ABTB1: variants seen among roughly 807,000 people sequenced by gnomAD.
ABTB1 encodes ankyrin repeat and BTB domain containing 1.
Under a neutral mutation model 57.1 loss-of-function variants are expected in ABTB1, and 45 were observed. The observed-to-expected ratio is 0.79, with a 90% CI of 0.62 to 1.01. ABTB1 has a LOEUF of 1.01. Ranked by LOEUF, ABTB1 falls within the 50% of genes least tolerant of loss-of-function variation. ABTB1 has a pLI of 0.00. For synonymous variants in ABTB1, 302 were observed against 275.4 expected (o/e 1.10, Z -0.95); for missense variants, 630 against 666.3 (o/e 0.95, Z 0.60).
rs771268105 is a variant in ABTB1, at chr3:127,676,387, A to G, written c.436A>G (p.Thr146Ala). Residue 146 changes from threonine to alanine, a missense_variant, in exon 5 of 12, where the codon ACC (threonine) becomes GCC (alanine). Around this residue, in one of 3 missense-constraint regions of ABTB1, gnomAD observed 579 missense variants for 585.9 expected, o/e 0.99. Coordinates refer to ENST00000232744, the MANE Select transcript of ABTB1 (RefSeq NM_172027.3). This position sits in a 1 kb window ranked among gnomAD's most constrained non-coding sequence, Gnocchi z 5.4. ...RSAYFANMLD[T>A]KWKGKSVVVL... ...TGCCTACTTTGCCAACATGCTGGAC[A>G]CCAAATGGAAGGGCAAGAGTGTCGT... is the stretch of plus-strand genomic sequence containing the variant. 39 of 1,613,990 alleles carry G rather than the reference A, an allele frequency of 2.4e-5. No individual in the cohort carries two copies. Among genetic ancestry groups the G allele is most frequent in the Non-Finnish European group, 3.1e-5 (36 of 1,179,994 alleles).
chr3:127,676,101 G>A lies in ABTB1; in HGVS notation c.307G>A (p.Asp103Asn), dbSNP rs139518030. 16 of 1,613,120 alleles carry A rather than the reference G, an allele frequency of 9.9e-6. No homozygotes were observed. The highest frequency in any genetic ancestry group is 6.7e-5 in the African/African-American group (5 of 74,910). Residue 103 changes from aspartate to asparagine, a missense_variant, in exon 4 of 12, where the codon GAC (aspartate) becomes AAC (asparagine). This residue lies in a region of ABTB1 where 579 missense variants were observed against 585.9 expected (regional missense o/e 0.99). Coordinates refer to ENST00000232744, the MANE Select transcript of ABTB1 (RefSeq NM_172027.3). This position sits in a 1 kb window ranked among gnomAD's most constrained non-coding sequence, Gnocchi z 5.4. ...CTGCAGGAGGCGGGATTACTATGAC[G>A]ACTTCTTGCAGCGGTGAGCCAGGGC... Reference protein sequence around the residue: ...ASCRRRDYYDDFLQRLLEQGI... With the variant: ...ASCRRRDYYDNFLQRLLEQGI...
chr3:127,677,084 G>C lies in ABTB1; in HGVS notation c.643+1G>C, dbSNP rs758639493. 1 of 1,614,074 alleles carries C rather than the reference G, an allele frequency of 6.2e-7. No individual in the cohort carries two copies. Among genetic ancestry groups the C allele is most frequent in the Non-Finnish European group, 8.5e-7 (1 of 1,179,966 alleles). On this transcript the variant is annotated splice_donor_variant, in intron 7 of 11. Coordinates refer to ENST00000232744, the MANE Select transcript of ABTB1 (RefSeq NM_172027.3). LOFTEE classifies it high-confidence loss of function. ...AAGTGCGAGAAGGTGTCTGAGTTTGGTGCGAGCAGGGTTTGGGGCCCGGGG... is the reference window on the plus strand; with the variant it reads ...AAGTGCGAGAAGGTGTCTGAGTTTGCTGCGAGCAGGGTTTGGGGCCCGGGG...
At chr3:127,675,750 G>A (rs1421851587) in intron 3 of ABTB1, 8 of 604,954 alleles carry the variant, frequency 1.3e-5, no homozygotes, top group East Asian at 1.1e-4. Context: ...TCTGTCTTCC[G>A]TGTGAGTGAG....
At position 127,680,069 on chromosome 3, in the gene ABTB1, C is replaced by G. The variant is rs1305945084; in HGVS notation, c.1114C>G (p.Leu372Val). 6.2e-7 allele frequency: 1 copy of G among 1,613,858 alleles called. No individual in the cohort carries two copies. The highest frequency in any genetic ancestry group is 1.1e-5 in the South Asian group (1 of 91,092). The change falls in exon 11 of 12, where the codon CTG becomes GTG. Residue 372 changes from leucine to valine, a missense_variant. Physicochemically the swap from Leu to Val is conservative, Grantham distance 32 (BLOSUM62 1). Transcript: ENST00000232744. ...CCTGAAGAGGCTGTGCGGCCGCAGC[C>G]TGGCTCAGATGCTAGACGAGGACAC... is the stretch of plus-strand genomic sequence containing the variant. ...PGLKRLCGRS[L>V]AQMLDEDTVV...
At chr3:127,679,578 G>A (rs746599084) in intron 10 of ABTB1, 30 of 463,654 alleles carry the variant, frequency 6.5e-5, no homozygotes, top group Non-Finnish European at 1.2e-4. Context: ...GACAGCCCCC[G>A]CAGGTAGGCA....
At position 127,674,304 on chromosome 3, in the gene ABTB1, A is replaced by T. The variant is rs1480157281; in HGVS notation, c.57-87A>T. On this transcript the variant is annotated intron_variant, in intron 1 of 11. Coordinates refer to ENST00000232744, the MANE Select transcript of ABTB1 (RefSeq NM_172027.3). ...GGGAGGCTTCCCCATACCAAAAGGG[A>T]TGTTTTCTCTCCGTTCCTTTCCACG... is the stretch of plus-strand genomic sequence containing the variant. The T allele has an allele frequency of 3.9e-6, 6 of 1,526,128 alleles. No homozygotes were observed. The Admixed American group carries it at 5.9e-5, about 15-fold the overall frequency. 94.5% of individuals were successfully genotyped at this position (1,526,128 alleles called of 1,614,324 possible). A position where few individuals can be genotyped will look rare whatever the true frequency, so the allele number is the denominator to read the frequency against.
chr3:127,673,055 C>A lies in ABTB1; in HGVS notation c.30C>A (p.Cys10Ter). 1 of 1,576,886 alleles carries A rather than the reference C, an allele frequency of 6.3e-7. No homozygotes were observed. Among genetic ancestry groups the A allele is most frequent in the Admixed American group, 1.8e-5 (1 of 56,964 alleles). Residue 10 changes from cysteine to a stop codon, truncating the protein, a stop_gained, in exon 1 of 12, where the codon TGC becomes TGA. Transcript: ENST00000232744. LOFTEE classifies it high-confidence loss of function. ...ACACCAGCGACCTGTTCGCCAGCTGCAGGAAGGGGGATGTGGGCCGAGTGC... is the reference window on the plus strand; with the variant it reads ...ACACCAGCGACCTGTTCGCCAGCTGAAGGAAGGGGGATGTGGGCCGAGTGC... MDTSDLFAS[C>*]RKGDVGRVRY...
Position 127,676,135 on chromosome 3 carries a change from G to A in ABTB1, c.320+21G>A. 6.2e-7 allele frequency: 1 copy of A among 1,611,480 alleles called. No homozygotes were observed. Among genetic ancestry groups the A allele is most frequent in the Non-Finnish European group, 8.5e-7 (1 of 1,178,644 alleles). ...CAGCGGTGAGCCAGGGCACACGAGG[G>A]GTGCAGCATGGGGTGCGGTGGCCCT... On this transcript the variant is annotated intron_variant, in intron 4 of 11. Transcript: ENST00000232744. The surrounding 1 kb of genome is among the most constrained non-coding windows in gnomAD (Gnocchi z 5.4).
chr3:127,676,670 A>C lies in ABTB1; in HGVS notation c.526+89A>C, dbSNP rs1576446602. ...CTAGGTGTGGCTGGGCTGACCTTTC[A>C]CCTCTAGACACTTCATGGTCCCCCC... is the stretch of plus-strand genomic sequence containing the variant. On this transcript the variant is annotated intron_variant, in intron 6 of 11. Coordinates refer to ENST00000232744, the MANE Select transcript of ABTB1 (RefSeq NM_172027.3). This position sits in a 1 kb window ranked among gnomAD's most constrained non-coding sequence, Gnocchi z 5.4. 6.6e-7 allele frequency: 1 copy of C among 1,513,972 alleles called. No individual in the cohort carries two copies. Among genetic ancestry groups the C allele is most frequent in the Non-Finnish European group, 9.1e-7 (1 of 1,096,518 alleles). 93.8% of individuals were successfully genotyped at this position (1,513,972 alleles called of 1,614,324 possible). A position where few individuals can be genotyped will look rare whatever the true frequency, so the allele number is the denominator to read the frequency against.
chr3:127,676,622 C>G lies in ABTB1; in HGVS notation c.526+41C>G, dbSNP rs367616587. The G allele has an allele frequency of 1.2e-6, 2 of 1,609,278 alleles. No individual in the cohort carries two copies. Among genetic ancestry groups the G allele is most frequent in the Non-Finnish European group, 1.7e-6 (2 of 1,177,050 alleles). ...CAGGGTAGGAGGAGAGGGAGTGGGCCGTCCTTCTGGACAGCAGTACACCTA... is the reference window on the plus strand; with the variant it reads ...CAGGGTAGGAGGAGAGGGAGTGGGCGGTCCTTCTGGACAGCAGTACACCTA... On this transcript the variant is annotated intron_variant, in intron 6 of 11. Transcript: ENST00000232744. This position sits in a 1 kb window ranked among gnomAD's most constrained non-coding sequence, Gnocchi z 5.4.
chr3:127,673,043 G>A lies in ABTB1; in HGVS notation c.18G>A (p.Leu6=). The A allele has an allele frequency of 6.4e-7, 1 of 1,574,734 alleles. No individual in the cohort carries two copies. The highest frequency in any genetic ancestry group is 8.6e-7 in the Non-Finnish European group (1 of 1,160,614). MDTSD[L]FASCRKGDVG... is the part of the protein sequence containing the mutation. ...TCCGCGCCATGGACACCAGCGACCT[G>A]TTCGCCAGCTGCAGGAAGGGGGATG... The change falls in exon 1 of 12, where the codon CTG becomes CTA. Residue 6 remains leucine, a synonymous_variant. Transcript: ENST00000232744.
intron 2 of ABTB1, 21 bp from the exon 3 acceptor site, chr3:127,674,524 G>A: frequency 6.2e-7 from 1 of 1,614,180 alleles, no homozygotes; most frequent in Non-Finnish European, 8.5e-7. Context: ...ACTGCCTCCT[G>A]TACTTCCTTC....
In ABTB1 at chr3:127,677,710, C is replaced by T. The variant is rs1559888377; in HGVS notation, c.896C>T (p.Ala299Val). Residue 299 changes from alanine to valine, a missense_variant, in exon 10 of 12, where the codon GCC becomes GTC. This residue lies in a region of ABTB1 where 579 missense variants were observed against 585.9 expected (regional missense o/e 0.99). Coordinates refer to ENST00000232744, the MANE Select transcript of ABTB1 (RefSeq NM_172027.3). ...TGTGGCCGCAGTGACTACTTCCGAG[C>T]CCTGCTGGATGACCACTTCCGAGAG... ...FFCGRSDYFR[A>V]LLDDHFRESE... 1.9e-6 allele frequency: 3 copies of T among 1,609,400 alleles called. No homozygotes were observed. The highest frequency in any genetic ancestry group is 2.7e-5 in the African/African-American group (2 of 74,876).
At chr3:127,679,848 T>G in intron 10 of ABTB1, 137 bp from the exon 11 acceptor site, 2 of 488,188 alleles carry the variant, frequency 4.1e-6, no homozygotes, top group Non-Finnish European at 3.6e-6. Flanking sequence ...ACCCCATACA[T>G]GCGCAGGGAG....
rs143409626 is a variant in ABTB1 at position 127,675,996 on chromosome 3, G to A, written c.202G>A (p.Asp68Asn). ...AGCCCGCTGCGAGGCCAACACCTTCGATGGTGAGCGCTGCCTCTATGGGGC... is the reference window on the plus strand; with the variant it reads ...AGCCCGCTGCGAGGCCAACACCTTCAATGGTGAGCGCTGCCTCTATGGGGC... ...NGARCEANTF[D>N]GERCLYGALS... The change falls in exon 4 of 12, where the codon GAT becomes AAT. Residue 68 changes from aspartate to asparagine, a missense_variant. Coordinates refer to ENST00000232744, the MANE Select transcript of ABTB1 (RefSeq NM_172027.3). 234 of 1,611,240 alleles carry A rather than the reference G, an allele frequency of 1.5e-4. No homozygotes were observed. Among genetic ancestry groups the A allele is most frequent in the Non-Finnish European group, 1.8e-4 (216 of 1,178,910 alleles).
chr3:127,675,751 TGTGA>T (rs570511121), intron 3 of ABTB1: 174 of 601,078 alleles, frequency 2.9e-4, no homozygotes, highest in African/African-American at 2.7e-3. Context: ...CTGTCTTCCG[TGTGA>T]GTGAGTATGT....
At position 127,674,447 on chromosome 3, in the gene ABTB1, C is replaced by T. The variant is rs756842905; in HGVS notation, c.113C>T (p.Thr38Ile). The T allele has an allele frequency of 3.1e-5, 50 of 1,613,388 alleles. No individual in the cohort carries two copies. The highest frequency in any genetic ancestry group is 1.0e-4 in the Admixed American group (6 of 59,978). ...EVNVRDKWDS[T>I]PLYYACLCGH... ...AATGTGCGGGACAAGTGGGACAGCA[C>T]CCCCTTGTGAGTGCTGGAGAGAGGG... The change falls in exon 2 of 12, where the codon ACC (threonine) becomes ATC (isoleucine). Residue 38 changes from threonine to isoleucine, a missense_variant. This residue lies in a region of ABTB1 where 579 missense variants were observed against 585.9 expected (regional missense o/e 0.99). Transcript: ENST00000232744.
At chr3:127,679,861 C>T (rs2075084109) in intron 10 of ABTB1, 124 bp from the exon 11 acceptor site, 6 of 897,470 alleles carry the variant, frequency 6.7e-6, no homozygotes, top group African/African-American at 1.6e-5. Context: ...GCAGGGAGCT[C>T]CTACTCCCAC....
intron 1 of ABTB1, among the ~76,000 whole-genome samples, chr3:127,673,812 A>G (rs1027838093): frequency 2.0e-5 from 3 of 152,208 alleles, no homozygotes; most frequent in Non-Finnish European, 4.4e-5. Context: ...CATAGTGTCA[A>G]CGCTGAGTGG....
Sources: gnomAD v4.1 joint callset for allele counts (sites outside exome capture counted in the v4.1 genomes callset) on GRCh38, gnomAD v4.1.1 for gene constraint, gnomAD v4.1.1 regional missense constraint, Gnocchi (gnomAD v3.1) non-coding constraint, MANE v1.5 for transcripts, NCBI Gene and HGNC (gene_info 2026-07-23, HGNC 2026-07-21) for gene names.